IBTK: variants seen among roughly 807,000 people sequenced by gnomAD.
The protein encoded by IBTK is BTK-binding protein.
In IBTK, 83 loss-of-function variants were observed where a neutral mutation model predicts 154.9. The ratio of observed to expected loss-of-function variants is 0.54; its 90% confidence interval spans 0.45 to 0.64. The LOEUF (loss-of-function observed/expected upper bound fraction) is 0.64. Ranked by LOEUF, IBTK falls within the 30% of genes least tolerant of loss-of-function variation. The pLI is 0.00. For missense variants in IBTK, 1,332 were observed against 1,584.6 expected, an observed-to-expected ratio of 0.84 and a Z score of 2.71; for synonymous variants, 515 against 536.1, an observed-to-expected ratio of 0.96 and a Z score of 0.54.
At position 82,172,525 on chromosome 6, in the gene IBTK, T is replaced by C. The variant is rs1308645480; in HGVS notation, c.3798-13A>G. ...AGATAGCCAGGGACTGAAAGAATAA[T>C]AATAATGAGTTTCATTCATCTTCCT... On this transcript the variant is annotated splice_polypyrimidine_tract_variant and intron_variant, in intron 27 of 28. Coordinates refer to ENST00000306270, the MANE Select transcript of IBTK (RefSeq NM_015525.4). 1.9e-6 allele frequency: 3 copies of C among 1,589,218 alleles called. No individual in the cohort carries two copies. Among genetic ancestry groups the C allele is most frequent in the Admixed American group, 1.9e-5 (1 of 52,524 alleles).
intron 10 of IBTK, among the ~76,000 whole-genome samples, chr6:82,217,372 A>T (rs1769910983): frequency 6.6e-6 from 1 of 152,140 alleles, no homozygotes; most frequent in Admixed American, 6.6e-5. Context: ...CAAGAAACTT[A>T]TTATGTGGAT....
At chr6:82,240,915 C>T (rs1770921584) in intron 1 of IBTK, 72 bp from the exon 2 acceptor site, 1 of 400,872 alleles carries the variant, frequency 2.5e-6, no homozygotes, top group East Asian at 3.6e-5. Context: ...CTTTAGAACA[C>T]AACTACCTCC....
intron 5 of IBTK, 154 bp downstream of exon 5, chr6:82,227,038 C>T: frequency 1.9e-6 from 1 of 517,040 alleles, no homozygotes; most frequent in Non-Finnish European, 3.4e-6. Flanking sequence ...TTAATTTAAA[C>T]ATGATATATC....
chr6:82,185,613 A>G (rs1034277904), intron 25 of IBTK, among the ~76,000 whole-genome samples: 6 of 151,466 alleles, frequency 4.0e-5, no homozygotes, highest in Non-Finnish European at 8.8e-5. Context: ...TTCCATTTTT[A>G]CTTCAAGCAT....
intron 1 of IBTK, among the ~76,000 whole-genome samples, chr6:82,244,220 TTTCTTC>T (rs1562113271): frequency 1.3e-5 from 2 of 152,254 alleles, no homozygotes; most frequent in African/African-American, 4.8e-5. Context: ...ATTACTATTG[TTTCTTC>T]AGTCATAAAA....
chr6:82,179,798 C>T (rs1310405538), intron 26 of IBTK, among the ~76,000 whole-genome samples: 1 of 152,058 alleles, frequency 6.6e-6, no homozygotes. Flanking sequence ...GTGCCCAGAC[C>T]ACATGAGAGA....
At chr6:82,190,407 T>C (rs969068488) in intron 25 of IBTK, among the ~76,000 whole-genome samples, 1 of 152,162 alleles carries the variant, frequency 6.6e-6, no homozygotes, top group African/African-American at 2.4e-5. Context: ...CATGTAGTTC[T>C]CCAGTATTGG....
intron 18 of IBTK, among the ~76,000 whole-genome samples, chr6:82,202,212 C>T (rs1465361546): frequency 6.6e-6 from 1 of 152,010 alleles, no homozygotes; most frequent in East Asian, 1.9e-4. Flanking sequence ...AAAACTGACA[C>T]CAGGAACTCT....
chr6:82,194,721 T>A (rs939589680), intron 22 of IBTK, 79 bp from the exon 23 acceptor site: 6 of 873,612 alleles, frequency 6.9e-6, no homozygotes, highest in Non-Finnish European at 9.5e-6. Flanking sequence ...TTAATAAATA[T>A]TAGTTACATT....
Position 82,223,488 on chromosome 6 carries a change from C to T in IBTK, c.1076G>A (p.Gly359Glu). The T allele has an allele frequency of 6.2e-7, 1 of 1,614,066 alleles. No homozygotes were observed. The highest frequency in any genetic ancestry group is 8.5e-7 in the Non-Finnish European group (1 of 1,179,948). Residue 359 changes from glycine (G) to glutamate (E), a missense_variant, in exon 8 of 29, where the codon GGA becomes GAA. By Grantham distance (98) the Gly-to-Glu change is moderately conservative. Coordinates refer to ENST00000306270, the MANE Select transcript of IBTK (RefSeq NM_015525.4). The stretch of plus-strand genomic sequence containing the variant: ...ATAGTCTGCAAGTAAGTAAATATCT[C>T]CCCTTGTGGTAACACAGACTGTAGC... ...DGATVCVTTR[G>E]DIYLLADYQC...
intron 1 of IBTK, among the ~76,000 whole-genome samples, chr6:82,242,194 A>G (rs906406022): frequency 2.6e-5 from 4 of 151,926 alleles, no homozygotes; most frequent in Admixed American, 2.6e-4. Flanking sequence ...ACCTGGAGAA[A>G]CCCTATCTCT....
intron 21 of IBTK, 35 bp from the exon 22 acceptor site, chr6:82,196,481 T>G: frequency 2.1e-6 from 3 of 1,450,386 alleles, no homozygotes; most frequent in African/African-American, 2.8e-5. Flanking sequence ...TAAACACATA[T>G]GCATTAAACA....
intron 23 of IBTK, among the ~76,000 whole-genome samples, chr6:82,193,825 G>C (rs772990304): frequency 2.6e-5 from 4 of 151,956 alleles, no homozygotes; most frequent in Non-Finnish European, 4.4e-5. Context: ...CGGATTACAA[G>C]TGCGTACCAC....
intron 19 of IBTK, 45 bp from the exon 20 acceptor site, chr6:82,200,753 GTTTTT>G (rs138809525): frequency 4.9e-3 from 1,920 of 391,804 alleles, no homozygotes; most frequent in Non-Finnish European, 5.6e-3. Context: ...AATCTGTGAA[GTTTTT>G]TTTTTTTTTT....
rs1054435785 is a variant in IBTK, at chr6:82,223,679, C to G, written c.944-59G>C. The G allele has an allele frequency of 2.7e-5, 39 of 1,426,238 alleles. No individual in the cohort carries two copies. The African/African-American group carries it at 5.2e-4, about 19-fold the overall frequency. 88.3% of individuals were successfully genotyped at this position (1,426,238 alleles called of 1,614,324 possible). ...TAGCTCTTTTAAGAGTCCTATTTAG[C>G]CAAGCACAGTGTCTCATGCCTATAA... On this transcript the variant is annotated intron_variant, in intron 7 of 28. Transcript: ENST00000306270.
At chr6:82,196,083 T>C (rs1463766769) in intron 22 of IBTK, among the ~76,000 whole-genome samples, 1 of 152,152 alleles carries the variant, frequency 6.6e-6, no homozygotes, top group Non-Finnish European at 1.5e-5. Flanking sequence ...GCACAAAGAC[T>C]AGAAATAACA....
Position 82,247,674 on chromosome 6 carries a change from G to A in IBTK, c.-470C>T, listed in dbSNP as rs1266204321. On this transcript the variant is annotated 5_prime_UTR_variant, in exon 1 of 29. Coordinates refer to ENST00000306270, the MANE Select transcript of IBTK (RefSeq NM_015525.4). The stretch of plus-strand genomic sequence containing the variant: ...AAACCGAACGGCGCCAGAGGGGCCA[G>A]TCCCCAGACCCGGGTCAGTTCGGCA... 15 of 398,828 alleles carry A rather than the reference G, an allele frequency of 3.8e-5. No individual in the cohort carries two copies. Among genetic ancestry groups the A allele is most frequent in the Non-Finnish European group, 6.2e-5 (14 of 226,316 alleles). The allele number at this position is 398,828 out of a possible 1,614,324, so 24.7% of individuals were successfully genotyped here.
intron 5 of IBTK, among the ~76,000 whole-genome samples, chr6:82,225,933 A>G (rs947142283): frequency 6.6e-6 from 1 of 152,214 alleles, no homozygotes; most frequent in Non-Finnish European, 1.5e-5. Context: ...GTTTGGTATG[A>G]ATAAAGGGAG....
chr6:82,200,397 TGTATTTACTTTGTA>T, intron 20 of IBTK, 144 bp from the exon 21 acceptor site: 1 of 738,900 alleles, frequency 1.4e-6, no homozygotes, highest in South Asian at 1.9e-5. Flanking sequence ...ATATTAATTA[TGTATTTACTTTGTA>T]TTATACCAAG....
Sources: gnomAD v4.1 joint callset for allele counts (sites outside exome capture counted in the v4.1 genomes callset) on GRCh38, gnomAD v4.1.1 for gene constraint, MANE v1.5 for transcripts, NCBI Gene and HGNC (gene_info 2026-07-23, HGNC 2026-07-21) for gene names.